The following IL1RAP variants were observed in gnomAD, a reference collection of about 807,000 sequenced individuals.
The protein encoded by IL1RAP is interleukin-1 receptor accessory protein.
A neutral mutation model predicts 60.7 loss-of-function variants in IL1RAP; 35 were observed. That is an observed-to-expected ratio of 0.58 (90% CI 0.44 to 0.76). The LOEUF is 0.76. IL1RAP is among the 30% of genes least tolerant of loss of function. The pLI, the probability that IL1RAP is intolerant of heterozygous loss-of-function variation, is 0.00. For synonymous variants in IL1RAP, 268 were observed against 250.9 expected (o/e 1.07, Z -0.64); for missense variants, 572 against 693.9 (o/e 0.82, Z 1.97).
intron 3 of IL1RAP, among the ~76,000 whole-genome samples, chr3:190,588,683 A>G (rs1259763846): frequency 2.0e-5 from 3 of 152,122 alleles, no homozygotes; most frequent in African/African-American, 7.2e-5. Context: ...TTTTTCTAGA[A>G]TGTTTGTTTT....
At chr3:190,597,408 A>G (rs1165349308) in intron 3 of IL1RAP, among the ~76,000 whole-genome samples, 1 of 152,190 alleles carries the variant, frequency 6.6e-6, no homozygotes, top group Admixed American at 6.5e-5. Flanking sequence ...TTTTTCACTC[A>G]TGTCACAGCC....
intron 3 of IL1RAP, among the ~76,000 whole-genome samples, chr3:190,575,498 G>A (rs1392734078): frequency 1.3e-5 from 2 of 152,138 alleles, no homozygotes; most frequent in African/African-American, 2.4e-5. Context: ...CATAGTTAAG[G>A]AAAATCTATT....
intron 3 of IL1RAP, among the ~76,000 whole-genome samples, chr3:190,588,853 A>G (rs375804556): frequency 6.6e-6 from 1 of 152,218 alleles, no homozygotes; most frequent in African/African-American, 2.4e-5. Context: ...AGTACGTATA[A>G]AAATTTAACC....
chr3:190,571,177 G>A (rs941917493), intron 3 of IL1RAP, among the ~76,000 whole-genome samples: 18 of 152,000 alleles, frequency 1.2e-4, no homozygotes, highest in Admixed American at 6.6e-4. Flanking sequence ...ATTTATTATG[G>A]TGGGTTTTAT....
chr3:190,601,895 A>G (rs759204678), intron 3 of IL1RAP, among the ~76,000 whole-genome samples: 4 of 152,028 alleles, frequency 2.6e-5, no homozygotes, highest in Admixed American at 6.5e-5. Context: ...TTGTTCTCAT[A>G]GTGACAACAG....
intron 3 of IL1RAP, among the ~76,000 whole-genome samples, chr3:190,584,898 G>T (rs1319607569): frequency 3.3e-5 from 5 of 152,132 alleles, no homozygotes; most frequent in African/African-American, 1.2e-4. Flanking sequence ...GGTTTTTTCA[G>T]ACACAGTGGG....
At chr3:190,629,826 A>C in intron 9 of IL1RAP, 1 of 1,019,284 alleles carries the variant, frequency 9.8e-7, no homozygotes, top group Non-Finnish European at 1.2e-6. Context: ...GATAGAAAAA[A>C]CTGGTAGAGC....
intron 3 of IL1RAP, among the ~76,000 whole-genome samples, chr3:190,570,551 A>ATATT (rs142993218): frequency 9.4e-4 from 142 of 150,348 alleles, no homozygotes; most frequent in Middle Eastern, 3.4e-3. Context: ...AGATACTTTC[A>ATATT]TATTTATTTA....
intron 7 of IL1RAP, 69 bp downstream of exon 7, chr3:190,623,484 G>A (rs1424757570): frequency 4.6e-5 from 53 of 1,154,520 alleles, no homozygotes; most frequent in Non-Finnish European, 6.8e-5. Context: ...TGTCATTTAA[G>A]TTAATGCAAG....
In IL1RAP at chr3:190,553,875, A is replaced by C. The variant is rs1314039862; in HGVS notation, c.-88-2255A>C. ...GGAGATCGAGACCATCCCGGCTAAA[A>C]ACGGTGAAACCCCGCCTCTACTAAA... On this transcript the variant is annotated intron_variant, in intron 1 of 11. Transcript: ENST00000447382. Among the ~76,000 whole-genome samples, 4 of 151,712 alleles carry C rather than the reference A, an allele frequency of 2.6e-5. No homozygotes were observed. The East Asian group carries it at 7.8e-4, about 29-fold the overall frequency.
intron 1 of IL1RAP, chr3:190,555,922 A>ATTTG (rs1725377325): frequency 7.4e-6 from 1 of 136,042 alleles, no homozygotes; most frequent in South Asian, 2.5e-4. Flanking sequence ...ATAGATAGAG[A>ATTTG]TCTGTCTATC....
chr3:190,645,113 G>A (rs951121114), intron 10 of IL1RAP, among the ~76,000 whole-genome samples: 12 of 152,160 alleles, frequency 7.9e-5, no homozygotes, highest in Non-Finnish European at 1.6e-4. Context: ...TTAGTGAAAA[G>A]AATAGAGCAT....
chr3:190,572,994 G>A (rs571838980), intron 3 of IL1RAP, among the ~76,000 whole-genome samples: 1 of 90,690 alleles, frequency 1.1e-5, no homozygotes, highest in African/African-American at 4.2e-5. Context: ...CTCCCGAGTA[G>A]CTGGGACTAC....
At chr3:190,619,474 G>A (rs1299996377) in intron 5 of IL1RAP, among the ~76,000 whole-genome samples, 2 of 152,046 alleles carry the variant, frequency 1.3e-5, no homozygotes. Flanking sequence ...TGCCTGTAAT[G>A]CTAACACTTT....
intron 1 of IL1RAP, among the ~76,000 whole-genome samples, chr3:190,549,360 G>A (rs1409012381): frequency 6.6e-6 from 1 of 152,106 alleles, no homozygotes; most frequent in Non-Finnish European, 1.5e-5. Context: ...ATAAGGATAA[G>A]GATAAAGATG....
chr3:190,653,422 A>G (rs548244995), downstream of IL1RAP, among the ~76,000 whole-genome samples: 4 of 152,240 alleles, frequency 2.6e-5, no homozygotes, highest in African/African-American at 9.6e-5. Context: ...ACAAATAGGG[A>G]TAAATGGAGA....
intron 1 of IL1RAP, among the ~76,000 whole-genome samples, chr3:190,531,670 A>T (rs1181281937): frequency 2.0e-5 from 3 of 152,228 alleles, no homozygotes; most frequent in Non-Finnish European, 4.4e-5. Flanking sequence ...ACTTACAGTC[A>T]GTGCTGTATC....
intron 1 of IL1RAP, among the ~76,000 whole-genome samples, chr3:190,534,846 G>T (rs9290936): frequency 0.2 from 29,377 of 149,884 alleles, 3,472 homozygotes; most frequent in East Asian, 0.42. Flanking sequence ...AATAACATTA[G>T]TGACTTCTGA....
chr3:190,579,432 A>G (rs1727792629), intron 3 of IL1RAP, among the ~76,000 whole-genome samples: 1 of 152,172 alleles, frequency 6.6e-6, no homozygotes. Context: ...CTTCACAAAT[A>G]AGGAAATAGA....
Sources: gnomAD v4.1 joint callset for allele counts (sites outside exome capture counted in the v4.1 genomes callset) on GRCh38, gnomAD v4.1.1 for gene constraint, MANE v1.5 for transcripts, NCBI Gene and HGNC (gene_info 2026-07-23, HGNC 2026-07-21) for gene names.